SMARCC2: variants seen among roughly 807,000 people sequenced by gnomAD.
The protein encoded by SMARCC2 is SWI/SNF related BAF chromatin remodeling complex subunit C2, also known as SWI/SNF complex subunit SMARCC2.
In SMARCC2, 15 loss-of-function variants were observed where a neutral mutation model predicts 151.3. The observed-to-expected ratio is 0.10, with a 90% CI of 0.07 to 0.15. SMARCC2 has a LOEUF of 0.15. SMARCC2 is among the 10% of genes least tolerant of loss of function. The pLI is 1.00. For missense variants in SMARCC2, 1,031 were observed against 1,599.7 expected (o/e 0.64, Z 6.06); for synonymous variants, 590 against 609.5 (o/e 0.97, Z 0.47).
At chr12:56,168,227 G>A (rs1873208088) in intron 25 of SMARCC2, 33 bp from the exon 26 acceptor site, 1 of 1,612,892 alleles carries the variant, frequency 6.2e-7, no homozygotes, top group Admixed American at 1.7e-5. Context: ...GCACATCAGT[G>A]GGAGGACCCA....
chr12:56,171,449 G>A lies in SMARCC2; in HGVS notation c.2186-17C>T. 1.2e-6 allele frequency: 2 copies of A among 1,614,150 alleles called. No individual in the cohort carries two copies. The highest frequency in any genetic ancestry group is 3.3e-5 in the Admixed American group (2 of 60,022). On this transcript the variant is annotated splice_polypyrimidine_tract_variant and intron_variant, in intron 21 of 28. Transcript: ENST00000550164. The surrounding 1 kb of genome is among the most constrained non-coding windows in gnomAD (Gnocchi z 4.2). ...AGAACTCCTCTGCAAGACCCAGAAA[G>A]AATGAGGCTGGGAGCGGCACAGTGG...
At chr12:56,173,114 C>T (rs780463288) in intron 17 of SMARCC2, 85 bp from the exon 18 acceptor site, 43 of 1,223,244 alleles carry the variant, frequency 3.5e-5, no homozygotes, top group Middle Eastern at 1.9e-4. Flanking sequence ...ATATGCTGGG[C>T]GGCCCACAAG....
intron 6 of SMARCC2, 25 bp downstream of exon 6, chr12:56,184,150 G>C (rs778144667): frequency 2.0e-5 from 32 of 1,578,146 alleles, no homozygotes; most frequent in Non-Finnish European, 2.7e-5. Flanking sequence ...ATCCACTCAA[G>C]TGGACAGGAA....
chr12:56,174,988 C>G (rs1874663375), intron 15 of SMARCC2, among the ~76,000 whole-genome samples: 1 of 152,054 alleles, frequency 6.6e-6, no homozygotes, highest in Non-Finnish European at 1.5e-5. Context: ...GAATTATCTC[C>G]TTGGCTATAC....
rs1874211062 is a variant in SMARCC2, at chr12:56,172,837, A to C, written c.1743+100T>G. The C allele has an allele frequency of 2.6e-6, 4 of 1,557,662 alleles. No homozygotes were observed. The Admixed American group carries it at 6.7e-5, about 26-fold the overall frequency. ...ACCCCTGGGTGGGACTTCCTCCCTT[A>C]CTGCTGTAGTTCCTCTGCTCTCATG... On this transcript the variant is annotated intron_variant, in intron 18 of 28. Coordinates refer to ENST00000550164, the MANE Select transcript of SMARCC2 (RefSeq NM_001330288.2).
Position 56,184,264 on chromosome 12 carries a change from G to A in SMARCC2, c.493-20C>T, listed in dbSNP as rs1044060961. 9.4e-6 allele frequency: 15 copies of A among 1,594,166 alleles called. No homozygotes were observed. Among genetic ancestry groups the A allele is most frequent in the Non-Finnish European group, 1.3e-5 (15 of 1,163,654 alleles). ...TGTTCCCTGGATGGTAAAAGGAGAA[G>A]CGGGTAAATTATGGTCCCCTCTGAA... On this transcript the variant is annotated intron_variant, in intron 5 of 28. Transcript: ENST00000550164.
rs764865625 is a variant in SMARCC2, at chr12:56,173,720, C to T, written c.1626G>A (p.Val542=). 5.0e-6 allele frequency: 8 copies of T among 1,613,908 alleles called. No individual in the cohort carries two copies. The highest frequency in any genetic ancestry group is 4.4e-5 in the South Asian group (4 of 91,046). Residue 542 remains valine, a synonymous_variant, in exon 17 of 29, where the codon GTG becomes GTA. Coordinates refer to ENST00000550164, the MANE Select transcript of SMARCC2 (RefSeq NM_001330288.2). ...CCTGAGGTGTCTTGGGCTGCAGAGG[C>T]ACCAGCCCTGATGGTGTGTCAGCCA... The part of the protein sequence containing the change: ...HVLADTPSGL[V]PLQPKTPQGR...
intron 25 of SMARCC2, among the ~76,000 whole-genome samples, chr12:56,168,650 AC>A (rs1166391580): frequency 6.6e-6 from 1 of 152,046 alleles, no homozygotes; most frequent in East Asian, 2.0e-4. Context: ...CTGGGATTAC[AC>A]GCGTGAGCCA....
Position 56,165,556 on chromosome 12 carries a change from T to A in SMARCC2, c.2994A>T (p.Pro998=), listed in dbSNP as rs535809032. The A allele has an allele frequency of 2.5e-6, 4 of 1,612,900 alleles. No individual in the cohort carries two copies. The highest frequency in any genetic ancestry group is 1.7e-6 in the Non-Finnish European group (2 of 1,179,812). The change falls in exon 27 of 29, where the codon CCA becomes CCT. Residue 998 remains proline (P), a synonymous_variant. Transcript: ENST00000550164. ...CTGTTGGGGGGATAGGCTGGGAGCC[T>A]GGGGGCAGGGCTGGTGGTGGCTGCT... ...QQQQPPPALP[P]GSQPIPPTGA...
rs1327377918 is a variant in SMARCC2, at chr12:56,163,664, G to A, written c.*25C>T. The A allele has an allele frequency of 3.5e-6, 5 of 1,415,602 alleles. No homozygotes were observed. The highest frequency in any genetic ancestry group is 2.7e-5 in the East Asian group (1 of 36,428). The allele number at this position is 1,415,602 out of a possible 1,614,324, so 87.7% of individuals were successfully genotyped here. On this transcript the variant is annotated 3_prime_UTR_variant, in exon 29 of 29. Coordinates refer to ENST00000550164, the MANE Select transcript of SMARCC2 (RefSeq NM_001330288.2). ...GAACCGTGATGTCCACAGGGGGTGA[G>A]GGGGAGAGATGTCTGGCTGGCTCCT... is the stretch of plus-strand genomic sequence containing the variant.
At chr12:56,173,469 T>C (rs1057137072) in intron 17 of SMARCC2, among the ~76,000 whole-genome samples, 3 of 152,216 alleles carry the variant, frequency 2.0e-5, no homozygotes, top group Admixed American at 1.3e-4. Context: ...TGTCTACTCC[T>C]TGAGTAAAAG....
chr12:56,165,931 C>A (rs1872699130), intron 26 of SMARCC2, among the ~76,000 whole-genome samples: 1 of 152,322 alleles, frequency 6.6e-6, no homozygotes, highest in African/African-American at 2.4e-5. Flanking sequence ...ATGACTTTAA[C>A]CTGGCCCAAG....
intron 3 of SMARCC2, 76 bp downstream of exon 3, chr12:56,186,079 C>T (rs905185449): frequency 1.9e-5 from 20 of 1,056,336 alleles, no homozygotes; most frequent in Non-Finnish European, 2.8e-5. Flanking sequence ...ATTTCTACCC[C>T]AGAAAGATCC....
Position 56,178,481 on chromosome 12 carries a change from G to A in SMARCC2, c.1233C>T (p.Asp411=), listed in dbSNP as rs752607591. The change falls in exon 14 of 29, where the codon GAC becomes GAT. Residue 411 remains aspartate (D), a synonymous_variant. Transcript: ENST00000550164. ...GTTCAGTCACATTGTCCTCATGCAGGTCTGGATTCTTGGTCTGCTCTCCCT... is the reference window on the plus strand; with the variant it reads ...GTTCAGTCACATTGTCCTCATGCAGATCTGGATTCTTGGTCTGCTCTCCCT... ...GNKGEQTKNP[D]LHEDNVTEQT... The A allele has an allele frequency of 2.5e-6, 4 of 1,613,970 alleles. No individual in the cohort carries two copies. The African/African-American group carries it at 5.3e-5, about 22-fold the overall frequency.
At chr12:56,170,409 A>G (rs1349631126) in intron 22 of SMARCC2, among the ~76,000 whole-genome samples, 2 of 151,756 alleles carry the variant, frequency 1.3e-5, no homozygotes, top group African/African-American at 4.8e-5. Flanking sequence ...CAGCTTCTCC[A>G]TAACACCTGT....
chr12:56,167,062 CAA>C (rs775299815), intron 26 of SMARCC2, among the ~76,000 whole-genome samples: 19 of 70,526 alleles, frequency 2.7e-4, no homozygotes, highest in African/African-American at 2.5e-4. Context: ...GACTCCATCT[CAA>C]AAAAAAAAAA....
intron 3 of SMARCC2, 148 bp from the exon 4 acceptor site, chr12:56,185,259 A>G: frequency 1.6e-6 from 1 of 631,978 alleles, no homozygotes. Flanking sequence ...GCTCACTGCA[A>G]CCTCTGCCTC....
chr12:56,175,143 C>T lies in SMARCC2; in HGVS notation c.1383-379G>A, dbSNP rs551458760. Reference sequence around the variant, plus strand: ...TCTCCTGCCTCAGCCTCCTCAGTAGCTCTGATTACAGGCATGTGCCACCAC... The same window carrying T: ...TCTCCTGCCTCAGCCTCCTCAGTAGTTCTGATTACAGGCATGTGCCACCAC... On this transcript the variant is annotated intron_variant, in intron 15 of 28. Transcript: ENST00000550164. 1.1e-3 allele frequency among the ~76,000 whole-genome samples: 165 copies of T among 152,206 alleles called. 2 individuals are homozygous for T. Among genetic ancestry groups the T allele is most frequent in the African/African-American group, 3.4e-3 (140 of 41,520 alleles).
chr12:56,169,950 T>G (rs754754758), intron 23 of SMARCC2, 39 bp from the exon 24 acceptor site: 1 of 1,588,248 alleles, frequency 6.3e-7, no homozygotes, highest in Non-Finnish European at 8.6e-7. Flanking sequence ...TTATCAGGGA[T>G]TAGGGTGATT....
Sources: allele counts gnomAD v4.1 joint callset (sites outside exome capture counted in the v4.1 genomes callset), GRCh38; gene constraint gnomAD v4.1.1; non-coding constraint Gnocchi (gnomAD v3.1); transcripts MANE v1.5; gene names NCBI Gene and HGNC (gene_info 2026-07-23, HGNC 2026-07-21).